Variants in SLC13A1 observed in about 807,000 individuals in gnomAD.
SLC13A1 encodes the protein Na(+)/sulfate cotransporter.
Under a neutral mutation model 70.0 loss-of-function variants are expected in SLC13A1, and 65 were observed. The observed-to-expected ratio is 0.93, with a 90% CI of 0.76 to 1.14. The LOEUF (loss-of-function observed/expected upper bound fraction) is 1.14, where lower values mean the gene tolerates loss of function less well. Ranked by LOEUF, SLC13A1 falls within the 50% of genes most tolerant of loss-of-function variation. SLC13A1 has a pLI of 0.00. For missense variants in SLC13A1, 726 were observed against 717.8 expected (o/e 1.01, Z -0.13); for synonymous variants, 275 against 250.5 (o/e 1.10, Z -0.92).
At chr7:123,144,742 G>A (rs1056466604) in intron 7 of SLC13A1, among the ~76,000 whole-genome samples, 1 of 152,070 alleles carries the variant, frequency 6.6e-6, no homozygotes, top group Non-Finnish European at 1.5e-5. Flanking sequence ...ACATTTACAC[G>A]TCAAGGTTGA....
chr7:123,157,071 C>A (rs1794737425), intron 6 of SLC13A1, among the ~76,000 whole-genome samples: 1 of 152,064 alleles, frequency 6.6e-6, no homozygotes, highest in Non-Finnish European at 1.5e-5. Context: ...GCAACGTTTT[C>A]CTGTGTTTCT....
chr7:123,197,096 A>G (rs894579481), intron 1 of SLC13A1, among the ~76,000 whole-genome samples: 2 of 152,154 alleles, frequency 1.3e-5, no homozygotes, highest in African/African-American at 4.8e-5. Flanking sequence ...AAATCAGTCT[A>G]TTCTCCGTCC....
rs181047019 is a variant in SLC13A1, at chr7:123,189,870, T to A, written c.100-8769A>T. ...GTCTCATTCCTGATGTGCCTAAATA[T>A]GGACTAATATCTAATTAAGTTGTTT... On this transcript the variant is annotated intron_variant, in intron 1 of 14. Transcript: ENST00000194130. 9.2e-5 allele frequency among the ~76,000 whole-genome samples: 14 copies of A among 152,220 alleles called. No homozygotes were observed. In the South Asian group the frequency reaches 2.7e-3, roughly 29 times the overall value.
chr7:123,154,860 A>G (rs1035379145), intron 6 of SLC13A1, among the ~76,000 whole-genome samples: 1 of 152,084 alleles, frequency 6.6e-6, no homozygotes, highest in African/African-American at 2.4e-5. Context: ...CTAGAACTGC[A>G]AAGAGCTATC....
intron 10 of SLC13A1, among the ~76,000 whole-genome samples, chr7:123,128,483 C>CCAAG (rs1467287353): frequency 2.6e-5 from 4 of 151,368 alleles, no homozygotes; most frequent in Non-Finnish European, 5.9e-5. Context: ...GGAAAGGAAC[C>CCAAG]CAAGCAGTGT....
At chr7:123,198,598 T>A (rs1235259259) in intron 1 of SLC13A1, among the ~76,000 whole-genome samples, 3 of 152,008 alleles carry the variant, frequency 2.0e-5, no homozygotes, top group Non-Finnish European at 1.5e-5. Flanking sequence ...CTTCTCCAGC[T>A]TTGCAGGTAG....
intron 13 of SLC13A1, among the ~76,000 whole-genome samples, chr7:123,117,955 C>T (rs1793238206): frequency 6.6e-6 from 1 of 151,106 alleles, no homozygotes; most frequent in Admixed American, 6.6e-5. Flanking sequence ...CATATATTTA[C>T]ACATAATATA....
intron 10 of SLC13A1, among the ~76,000 whole-genome samples, chr7:123,127,838 ATTTTTTTTTT>A (rs201644707): frequency 2.3e-4 from 25 of 106,780 alleles, no homozygotes; most frequent in South Asian, 1.9e-3. Flanking sequence ...CCAAAATACA[ATTTTTTTTTT>A]TTTTTTTTTT....
intron 2 of SLC13A1, 121 bp downstream of exon 2, chr7:123,180,852 T>C: frequency 9.9e-7 from 1 of 1,015,136 alleles, no homozygotes; most frequent in East Asian, 2.8e-5. Context: ...AGTTGGAAGT[T>C]TGGGGGACTT....
chr7:123,169,348 A>G lies in SLC13A1; in HGVS notation c.366-13T>C, dbSNP rs1399424622. On this transcript the variant is annotated splice_polypyrimidine_tract_variant and intron_variant, in intron 3 of 14. Transcript: ENST00000194130. ...CCCCAGCGTCAGCCTGAAACCAGAG[A>G]GCCATTATTGTGGAGCTGTGCTCTT... The G allele has an allele frequency of 1.2e-6, 2 of 1,609,278 alleles. No homozygotes were observed. Among genetic ancestry groups the G allele is most frequent in the Non-Finnish European group, 1.7e-6 (2 of 1,179,500 alleles).
At chr7:123,190,427 C>T in intron 1 of SLC13A1, 1 of 371,244 alleles carries the variant, frequency 2.7e-6, no homozygotes, top group Middle Eastern at 3.9e-4. Context: ...TGTTTAAACT[C>T]CCTTTATGAG....
At chr7:123,120,476 G>T (rs1793337999) in intron 12 of SLC13A1, among the ~76,000 whole-genome samples, 1 of 151,966 alleles carries the variant, frequency 6.6e-6, no homozygotes, top group South Asian at 2.1e-4. Flanking sequence ...ACATAGTGCA[G>T]AAAAACTGGC....
intron 6 of SLC13A1, among the ~76,000 whole-genome samples, chr7:123,151,610 G>T (rs146276729): frequency 4.0e-4 from 61 of 151,988 alleles, no homozygotes; most frequent in African/African-American, 1.3e-3. Flanking sequence ...ATTCATTTAC[G>T]TCTTACAATA....
chr7:123,130,953 A>C (rs146158058), intron 8 of SLC13A1, among the ~76,000 whole-genome samples: 51 of 152,198 alleles, frequency 3.4e-4, no homozygotes, highest in African/African-American at 1.2e-3. Context: ...CTAGATGGAG[A>C]CTTTTAAAAA....
At chr7:123,140,270 C>G (rs1477418613) in intron 7 of SLC13A1, among the ~76,000 whole-genome samples, 1 of 151,834 alleles carries the variant, frequency 6.6e-6, no homozygotes, top group African/African-American at 2.4e-5. Context: ...TCTTTGCAAC[C>G]CAGGGATAAA....
intron 12 of SLC13A1, 79 bp downstream of exon 12, chr7:123,123,047 G>T: frequency 1.8e-6 from 2 of 1,132,508 alleles, no homozygotes; most frequent in East Asian, 4.7e-5. Flanking sequence ...AATTGAATAT[G>T]CCCAAAGATT....
chr7:123,167,857 T>TGA (rs1563342929), intron 6 of SLC13A1, among the ~76,000 whole-genome samples: 1 of 151,928 alleles, frequency 6.6e-6, no homozygotes, highest in East Asian at 1.9e-4. Context: ...CTGGAAGAAA[T>TGA]GACGACGATG....
At chr7:123,178,829 T>C (rs868628577) in intron 2 of SLC13A1, among the ~76,000 whole-genome samples, 7 of 152,146 alleles carry the variant, frequency 4.6e-5, no homozygotes, top group Admixed American at 3.3e-4. Context: ...TAAAACAAAC[T>C]TAGGCTGAAA....
intron 12 of SLC13A1, among the ~76,000 whole-genome samples, chr7:123,120,088 G>A (rs1442679753): frequency 6.6e-6 from 1 of 151,910 alleles, no homozygotes; most frequent in African/African-American, 2.4e-5. Flanking sequence ...TATCTATTCT[G>A]GAATATTTCC....
Sources: gnomAD v4.1 joint callset for allele counts (sites outside exome capture counted in the v4.1 genomes callset) on GRCh38, gnomAD v4.1.1 for gene constraint, MANE v1.5 for transcripts, NCBI Gene and HGNC (gene_info 2026-07-23, HGNC 2026-07-21) for gene names.